PPP2R2B: variants seen among roughly 807,000 people sequenced by gnomAD.
The protein encoded by PPP2R2B is protein phosphatase 2 regulatory subunit Bbeta, also known as serine/threonine-protein phosphatase 2A 55 kDa regulatory subunit B beta isoform.
Under a neutral mutation model 46.0 loss-of-function variants are expected in PPP2R2B, and 5 were observed. The observed-to-expected ratio is 0.11, with a 90% CI of 0.06 to 0.23. The LOEUF (loss-of-function observed/expected upper bound fraction) is 0.23, where lower values mean the gene tolerates loss of function less well. Ranked by LOEUF, PPP2R2B falls within the 10% of genes least tolerant of loss-of-function variation. The pLI, the probability that PPP2R2B is intolerant of heterozygous loss-of-function variation, is 1.00. For missense variants in PPP2R2B, 367 were observed against 575.0 expected (o/e 0.64, Z 3.70); for synonymous variants, 215 against 206.7 (o/e 1.04, Z -0.34).
intron 1 of PPP2R2B, among the ~76,000 whole-genome samples, chr5:146,938,268 GA>G (rs1428784876): frequency 2.0e-5 from 3 of 152,010 alleles, no homozygotes; most frequent in East Asian, 1.9e-4. Flanking sequence ...ATTAAATGTG[GA>G]AAAAAATGTG....
chr5:146,741,292 G>A (rs987450299), intron 2 of PPP2R2B, among the ~76,000 whole-genome samples: 6 of 152,160 alleles, frequency 3.9e-5, no homozygotes, highest in African/African-American at 1.4e-4. Context: ...ACAGAGATGA[G>A]CTTAATACAG....
chr5:146,767,235 G>A (rs574434139), intron 2 of PPP2R2B, among the ~76,000 whole-genome samples: 13 of 151,870 alleles, frequency 8.6e-5, no homozygotes, highest in Non-Finnish European at 1.6e-4. Context: ...TTTGAACCCC[G>A]AGGCCCACCC....
At chr5:146,842,342 C>T (rs1759702653) in intron 2 of PPP2R2B, among the ~76,000 whole-genome samples, 1 of 151,460 alleles carries the variant, frequency 6.6e-6, no homozygotes, top group African/African-American at 2.4e-5. Context: ...CCCACACATC[C>T]CCAAAAGTAT....
At chr5:146,806,395 T>A (rs1192414485) in intron 2 of PPP2R2B, among the ~76,000 whole-genome samples, 1 of 152,060 alleles carries the variant, frequency 6.6e-6, no homozygotes, top group Non-Finnish European at 1.5e-5. Context: ...AAAACATACC[T>A]CCAGGAAATA....
intron 2 of PPP2R2B, among the ~76,000 whole-genome samples, chr5:146,868,881 C>A (rs772741863): frequency 6.6e-4 from 100 of 152,308 alleles, no homozygotes; most frequent in Non-Finnish European, 8.7e-4. Context: ...CTGGATGTGA[C>A]TTCTGTTCTA....
chr5:146,921,518 G>C lies in PPP2R2B; in HGVS notation c.79+134147C>G, dbSNP rs77862502. On this transcript the variant is annotated intron_variant, in intron 1 of 8. Transcript: ENST00000336640. ...TTGCTCGTGTATCTTTCTCTTACAA[G>C]CTTTTACTGACACTTAAGATTTCGT... 5.6e-3 allele frequency among the ~76,000 whole-genome samples: 860 copies of C among 152,292 alleles called. 29 individuals are homozygous for C. In the East Asian group the frequency reaches 0.067, roughly 12 times the overall value.
intron 2 of PPP2R2B, among the ~76,000 whole-genome samples, chr5:146,860,599 C>T (rs17105517): frequency 0.022 from 3,314 of 152,138 alleles, 129 homozygotes; most frequent in African/African-American, 0.074. Context: ...CCAGTAGGTC[C>T]GATAGTCACT....
At chr5:146,803,277 C>T (rs781310292) in intron 2 of PPP2R2B, among the ~76,000 whole-genome samples, 7 of 152,042 alleles carry the variant, frequency 4.6e-5, no homozygotes, top group Non-Finnish European at 1.0e-4. Flanking sequence ...GCCTGAAACC[C>T]GACATTAGAA....
intron 9 of PPP2R2B, chr5:146,591,988 G>C (rs1221868896): frequency 2.4e-5 from 7 of 296,770 alleles, no homozygotes; most frequent in Non-Finnish European, 3.8e-5. Flanking sequence ...GGCTAAGATA[G>C]AGGAAAAACT....
chr5:146,734,108 G>A (rs550601555), intron 2 of PPP2R2B, among the ~76,000 whole-genome samples: 14 of 151,630 alleles, frequency 9.2e-5, no homozygotes, highest in Middle Eastern at 3.4e-3. Flanking sequence ...AGGCTGGAGG[G>A]CAGTGGCATG....
chr5:146,721,132 A>G (rs901827955), intron 2 of PPP2R2B, among the ~76,000 whole-genome samples: 14 of 152,200 alleles, frequency 9.2e-5, no homozygotes, highest in African/African-American at 3.4e-4. Flanking sequence ...AGAATATCAC[A>G]TGAAGGGTTA....
At chr5:146,844,133 C>T (rs1445049567) in intron 2 of PPP2R2B, among the ~76,000 whole-genome samples, 2 of 140,708 alleles carry the variant, frequency 1.4e-5, no homozygotes, top group East Asian at 4.1e-4. Flanking sequence ...TATTCTCACT[C>T]ATAGGTGGGA....
intron 3 of PPP2R2B, 61 bp downstream of exon 3, chr5:146,700,984 C>T (rs1214905900): frequency 2.1e-6 from 3 of 1,408,746 alleles, no homozygotes; most frequent in Non-Finnish European, 3.0e-6. Context: ...GATTAAGGAA[C>T]AGTAGGAGGC....
At chr5:146,643,171 T>TAC (rs1183443823) in intron 6 of PPP2R2B, among the ~76,000 whole-genome samples, 2 of 150,526 alleles carry the variant, frequency 1.3e-5, no homozygotes, top group Non-Finnish European at 3.0e-5. Context: ...TAAAAGATAT[T>TAC]ACACACACAC....
At chr5:146,873,976 G>T (rs1259390661) in intron 2 of PPP2R2B, among the ~76,000 whole-genome samples, 1 of 152,034 alleles carries the variant, frequency 6.6e-6, no homozygotes, top group Non-Finnish European at 1.5e-5. Context: ...ATCTCTCTGG[G>T]CTTTTGTACC....
chr5:147,010,060 A>T (rs2151876698), intron 1 of PPP2R2B, among the ~76,000 whole-genome samples: 1 of 152,264 alleles, frequency 6.6e-6, no homozygotes, highest in African/African-American at 2.4e-5. Flanking sequence ...ATAAATACAC[A>T]CTTTACAAGG....
chr5:146,995,421 G>T (rs1425496645), intron 1 of PPP2R2B, among the ~76,000 whole-genome samples: 2 of 152,158 alleles, frequency 1.3e-5, no homozygotes. Context: ...ATTGTAATTG[G>T]GGGTGTAACC....
chr5:146,834,178 T>A (rs1345270850), intron 2 of PPP2R2B, among the ~76,000 whole-genome samples: 1 of 152,230 alleles, frequency 6.6e-6, no homozygotes, highest in African/African-American at 2.4e-5. Context: ...ATTGAGGGCA[T>A]ACACCATACT....
At chr5:146,970,990 G>T (rs181463479) in intron 1 of PPP2R2B, among the ~76,000 whole-genome samples, 143 of 152,202 alleles carry the variant, frequency 9.4e-4, no homozygotes, top group South Asian at 2.7e-3. Flanking sequence ...GAAAAACAGA[G>T]ATCCCTTCGA....
Sources: gnomAD v4.1 joint callset for allele counts (sites outside exome capture counted in the v4.1 genomes callset) on GRCh38, gnomAD v4.1.1 for gene constraint, MANE v1.5 for transcripts, NCBI Gene and HGNC (gene_info 2026-07-23, HGNC 2026-07-21) for gene names.